Variants in VGLL4 observed in about 807,000 individuals in gnomAD.
VGLL4 encodes vestigial like family member 4.
In VGLL4, 7 loss-of-function variants were observed where a neutral mutation model predicts 21.0. The ratio of observed to expected loss-of-function variants is 0.33; its 90% CI spans 0.19 to 0.63. The LOEUF (loss-of-function observed/expected upper bound fraction) is 0.63. VGLL4 is among the 20% of genes least tolerant of loss of function. The pLI is 0.78. For missense variants in VGLL4, 394 were observed against 425.7 expected (o/e 0.93, Z 0.66); for synonymous variants, 222 against 173.2 (o/e 1.28, Z -2.21).
intron 2 of VGLL4, among the ~76,000 whole-genome samples, chr3:11,651,876 CA>C (rs1559924669): frequency 6.6e-6 from 1 of 151,974 alleles, no homozygotes; most frequent in African/African-American, 2.4e-5. Context: ...TGGGGCTGCT[CA>C]AGGATGATTT....
chr3:11,624,756 C>T lies in VGLL4; in HGVS notation c.82+18681G>A, dbSNP rs193109600. Reference sequence around the variant, plus strand: ...TCCTTAACTACCAAACTGTAAATTTCTCAAAGTCTAGAAAAATGAGAGGGG... The same window carrying T: ...TCCTTAACTACCAAACTGTAAATTTTTCAAAGTCTAGAAAAATGAGAGGGG... On this transcript the variant is annotated intron_variant, in intron 1 of 4. Transcript: ENST00000430365. Among the ~76,000 whole-genome samples the T allele has an allele frequency of 3.0e-3, 460 of 152,256 alleles. 4 individuals are homozygous for T. Among genetic ancestry groups the T allele is most frequent in the African/African-American group, 0.01 (418 of 41,542 alleles).
intron 3 of VGLL4, among the ~76,000 whole-genome samples, chr3:11,560,608 ATG>A (rs1290833064): frequency 2.0e-5 from 3 of 152,180 alleles, no homozygotes; most frequent in Non-Finnish European, 4.4e-5. Flanking sequence ...TAGGATGAAA[ATG>A]TGGATCCACA....
chr3:11,676,394 C>CAAAAAAAAAAAAA (rs1219773138), intron 2 of VGLL4, among the ~76,000 whole-genome samples: 1 of 54,354 alleles, frequency 1.8e-5, no homozygotes, highest in African/African-American at 6.0e-5. Context: ...GACTCTGTCT[C>CAAAAAAAAAAAAA]AAAAAAAAAA....
At chr3:11,558,962 C>T in intron 4 of VGLL4, 135 bp from the exon 5 acceptor site, 1 of 1,089,224 alleles carries the variant, frequency 9.2e-7, no homozygotes, top group Non-Finnish European at 1.3e-6. Flanking sequence ...AGACAGAACC[C>T]ACCTCCCCCG....
intron 1 of VGLL4, among the ~76,000 whole-genome samples, chr3:11,704,341 C>CCATT (rs2076726922): frequency 1.4e-5 from 2 of 141,096 alleles, no homozygotes; most frequent in Non-Finnish European, 3.0e-5. Flanking sequence ...CGAGATCGAG[C>CCATT]CATTGCACTC....
At position 11,562,916 on chromosome 3, in the gene VGLL4, A is replaced by C. The variant is rs140138533; in HGVS notation, c.495+1881T>G. Among the ~76,000 whole-genome samples, 698 of 152,320 alleles carry C rather than the reference A, an allele frequency of 4.6e-3. 5 individuals carry two copies. The highest frequency in any genetic ancestry group is 0.016 in the African/African-American group (665 of 41,586). On this transcript the variant is annotated intron_variant, in intron 3 of 4. Transcript: ENST00000430365. Reference sequence around the variant, plus strand: ...CCTAGGAAAGCTGCTCAGGAGCCCCAAGGCACAAGGAGGGGCCCTTGCCAC... The same window carrying C: ...CCTAGGAAAGCTGCTCAGGAGCCCCCAGGCACAAGGAGGGGCCCTTGCCAC...
intron 1 of VGLL4, among the ~76,000 whole-genome samples, chr3:11,706,432 A>G (rs2076761738): frequency 6.6e-6 from 1 of 152,240 alleles, no homozygotes; most frequent in African/African-American, 2.4e-5. Context: ...TCTTGTTCGG[A>G]AACTAAATTT....
chr3:11,594,007 C>T (rs2074572037), intron 2 of VGLL4, among the ~76,000 whole-genome samples: 1 of 152,188 alleles, frequency 6.6e-6, no homozygotes, highest in Non-Finnish European at 1.5e-5. Flanking sequence ...TAAATATATA[C>T]TGCTGATCAA....
chr3:11,713,803 C>T (rs2076882849), intron 1 of VGLL4, among the ~76,000 whole-genome samples: 1 of 151,894 alleles, frequency 6.6e-6, no homozygotes, highest in African/African-American at 2.4e-5. Flanking sequence ...CCTCCACCTC[C>T]CATGACCTCA....
intron 2 of VGLL4, among the ~76,000 whole-genome samples, 183 bp downstream of exon 2, chr3:11,601,650 C>G (rs935176185): frequency 1.3e-5 from 2 of 152,172 alleles, no homozygotes; most frequent in African/African-American, 4.8e-5. Flanking sequence ...CACCTCACCG[C>G]GAGTTATCAA....
At chr3:11,627,644 G>A (rs963593158) in intron 1 of VGLL4, among the ~76,000 whole-genome samples, 2 of 150,036 alleles carry the variant, frequency 1.3e-5, no homozygotes, top group East Asian at 1.9e-4. Flanking sequence ...TAAGATCATC[G>A]CAGTATTACG....
chr3:11,562,310 C>T (rs975657688), intron 3 of VGLL4, among the ~76,000 whole-genome samples: 9 of 152,164 alleles, frequency 5.9e-5, no homozygotes, highest in Admixed American at 3.9e-4. Flanking sequence ...AATGGGGGGA[C>T]ACTTTCTGTA....
At chr3:11,579,715 T>G (rs915903305) in intron 2 of VGLL4, among the ~76,000 whole-genome samples, 8 of 152,122 alleles carry the variant, frequency 5.3e-5, no homozygotes, top group Non-Finnish European at 1.2e-4. Flanking sequence ...CCAAGTTTCA[T>G]GCACCCCAAG....
At chr3:11,700,482 T>C (rs1248741387) in intron 2 of VGLL4, among the ~76,000 whole-genome samples, 4 of 152,184 alleles carry the variant, frequency 2.6e-5, no homozygotes, top group Non-Finnish European at 5.9e-5. Context: ...CCCTACAGTC[T>C]TACAGTGGCT....
chr3:11,657,910 CAGTAAAACA>C (rs768335614), intron 2 of VGLL4, among the ~76,000 whole-genome samples: 1 of 152,144 alleles, frequency 6.6e-6, no homozygotes, highest in Non-Finnish European at 1.5e-5. Flanking sequence ...TCCATTTTCT[CAGTAAAACA>C]AGTTTTTTGT....
At chr3:11,611,164 T>C (rs1019911109) in intron 1 of VGLL4, among the ~76,000 whole-genome samples, 1 of 152,000 alleles carries the variant, frequency 6.6e-6, no homozygotes, top group Non-Finnish European at 1.5e-5. Context: ...AAGGGGAGCT[T>C]ATTGGCTGAA....
chr3:11,564,497 G>C (rs1054060200), intron 3 of VGLL4, among the ~76,000 whole-genome samples: 4 of 152,116 alleles, frequency 2.6e-5, no homozygotes, highest in Non-Finnish European at 5.9e-5. Context: ...CACCACCCCT[G>C]TACTGGGAGA....
intron 2 of VGLL4, among the ~76,000 whole-genome samples, chr3:11,585,073 T>A (rs2074331216): frequency 6.6e-6 from 1 of 152,270 alleles, no homozygotes; most frequent in South Asian, 2.1e-4. Context: ...TTATTATACA[T>A]CAAATATGCT....
At chr3:11,684,824 T>G (rs2125385373) in intron 2 of VGLL4, among the ~76,000 whole-genome samples, 1 of 152,240 alleles carries the variant, frequency 6.6e-6, no homozygotes, top group Non-Finnish European at 1.5e-5. Context: ...GTTTGTTTGC[T>G]TTTTGAGTTT....
Sources: gnomAD v4.1 joint callset for allele counts (sites outside exome capture counted in the v4.1 genomes callset) on GRCh38, gnomAD v4.1.1 for gene constraint, MANE v1.5 for transcripts, NCBI Gene and HGNC (gene_info 2026-07-23, HGNC 2026-07-21) for gene names.